The following TRPC6 variants were observed in gnomAD, a reference collection of about 807,000 sequenced individuals.
The protein encoded by TRPC6 is short transient receptor potential channel 6.
In TRPC6, 55 loss-of-function variants were observed where a neutral mutation model predicts 90.7. The observed-to-expected ratio is 0.61, with a 90% CI of 0.49 to 0.76. The LOEUF is 0.76. Ranked by LOEUF, TRPC6 falls within the 30% of genes least tolerant of loss-of-function variation. The probability of loss-of-function intolerance (pLI) is 0.00; values close to 1 mark genes in which losing one functional copy is unlikely to be tolerated. For synonymous variants in TRPC6, 393 were observed against 393.0 expected (o/e 1.00, Z 0.00); for missense variants, 989 against 1,122.7 (o/e 0.88, Z 1.70).
At chr11:101,539,171 C>A (rs11224827) in intron 1 of TRPC6, among the ~76,000 whole-genome samples, 1 of 152,140 alleles carries the variant, frequency 6.6e-6, no homozygotes. Context: ...TTATCACGCT[C>A]AATTTTGACT....
chr11:101,455,321 A>G (rs1858858986), intron 10 of TRPC6: 2 of 490,820 alleles, frequency 4.1e-6, no homozygotes, highest in Non-Finnish European at 7.4e-6. Flanking sequence ...TTGTCTGAGG[A>G]GTCTCTTAGA....
chr11:101,491,470 C>A (rs1409857235), intron 3 of TRPC6, 86 bp downstream of exon 3: 17 of 1,517,484 alleles, frequency 1.1e-5, no homozygotes, highest in Non-Finnish European at 1.4e-5. Flanking sequence ...AAAATCCCAG[C>A]TTAATCTAAC....
intron 1 of TRPC6, among the ~76,000 whole-genome samples, chr11:101,514,334 T>C (rs1462315107): frequency 6.6e-5 from 10 of 152,030 alleles, no homozygotes. Flanking sequence ...AAAAAGGAAG[T>C]AGTGTGGCAT....
chr11:101,548,868 AT>A (rs1861388757), intron 1 of TRPC6, among the ~76,000 whole-genome samples: 1 of 151,992 alleles, frequency 6.6e-6, no homozygotes, highest in African/African-American at 2.4e-5. Context: ...ATATCATATA[AT>A]TTTGCTTTGT....
In TRPC6 at chr11:101,498,016, A is replaced by G. The variant is rs114735113; in HGVS notation, c.945+6008T>C. 2.7e-3 allele frequency among the ~76,000 whole-genome samples: 418 copies of G among 152,346 alleles called. 1 individual carries two copies. Among genetic ancestry groups the G allele is most frequent in the African/African-American group, 9.5e-3 (397 of 41,578 alleles). ...ACATAAGTCCTGGGCACATATTGAGAACTAAAATGAAATTAAGAATGCTGG... is the reference window on the plus strand; with the variant it reads ...ACATAAGTCCTGGGCACATATTGAGGACTAAAATGAAATTAAGAATGCTGG... On this transcript the variant is annotated intron_variant, in intron 2 of 12. Coordinates refer to ENST00000344327, the MANE Select transcript of TRPC6 (RefSeq NM_004621.6).
chr11:101,454,615 C>CTATTATATATAAAATATTATATT (rs1858843174), intron 11 of TRPC6, among the ~76,000 whole-genome samples: 1 of 151,294 alleles, frequency 6.6e-6, no homozygotes, highest in South Asian at 2.1e-4. Context: ...ATTATATATG[C>CTATTATATATAAAATATTATATT]ATTTTATAAT....
intron 3 of TRPC6, among the ~76,000 whole-genome samples, chr11:101,489,404 T>C (rs1157137867): frequency 6.6e-6 from 1 of 152,156 alleles, no homozygotes; most frequent in East Asian, 1.9e-4. Flanking sequence ...TACATACGGC[T>C]TTTATGATTA....
intron 1 of TRPC6, chr11:101,519,937 TC>T (rs1403332021): frequency 6.5e-6 from 1 of 153,240 alleles, no homozygotes; most frequent in East Asian, 2.0e-4. Flanking sequence ...ATCTGCTTGC[TC>T]ATCCTCTATG....
At chr11:101,519,626 G>GT (rs1860606640) in intron 1 of TRPC6, among the ~76,000 whole-genome samples, 1 of 151,878 alleles carries the variant, frequency 6.6e-6, no homozygotes, top group Non-Finnish European at 1.5e-5. Flanking sequence ...AAAAAATCAT[G>GT]GTGGTGTCCT....
intron 1 of TRPC6, among the ~76,000 whole-genome samples, chr11:101,507,946 T>C (rs910878155): frequency 1.2e-4 from 18 of 152,258 alleles, no homozygotes; most frequent in African/African-American, 4.3e-4. Flanking sequence ...TCCTTTAATT[T>C]TCTTATCTTT....
chr11:101,513,746 C>T (rs2039953036), intron 1 of TRPC6, among the ~76,000 whole-genome samples: 1 of 152,108 alleles, frequency 6.6e-6, no homozygotes. Flanking sequence ...AAGATTCATC[C>T]ATAGAAATTC....
At chr11:101,531,200 C>T (rs950754875) in intron 1 of TRPC6, among the ~76,000 whole-genome samples, 2 of 152,162 alleles carry the variant, frequency 1.3e-5, no homozygotes, top group Non-Finnish European at 2.9e-5. Flanking sequence ...ATGTCGTATA[C>T]CTTGAATATA....
At chr11:101,511,394 A>G (rs1247647352) in intron 1 of TRPC6, among the ~76,000 whole-genome samples, 3 of 152,102 alleles carry the variant, frequency 2.0e-5, no homozygotes, top group Admixed American at 1.3e-4. Context: ...AGAGGGACAC[A>G]TTGTAAACTC....
chr11:101,548,325 A>ATAATTATATCT (rs1265168295), intron 1 of TRPC6, among the ~76,000 whole-genome samples: 3 of 121,614 alleles, frequency 2.5e-5, no homozygotes, highest in Admixed American at 1.8e-4. Flanking sequence ...ATATAATTAT[A>ATAATTATATCT]TATAATTGAA....
intron 5 of TRPC6, among the ~76,000 whole-genome samples, chr11:101,478,261 T>C (rs1053092551): frequency 1.3e-5 from 2 of 152,176 alleles, no homozygotes; most frequent in African/African-American, 4.8e-5. Flanking sequence ...CTTCATTACT[T>C]ATTTTGAGTT....
intron 1 of TRPC6, among the ~76,000 whole-genome samples, chr11:101,558,380 T>TGTAGACATGTATATGG (rs1591136150): frequency 1.5e-5 from 1 of 67,508 alleles, no homozygotes; most frequent in East Asian, 2.8e-4. Flanking sequence ...CATGTATATA[T>TGTAGACATGTATATGG]GTATACATGT....
intron 9 of TRPC6, among the ~76,000 whole-genome samples, chr11:101,470,008 G>A (rs1431845674): frequency 5.9e-5 from 9 of 152,296 alleles, no homozygotes; most frequent in South Asian, 4.1e-4. Context: ...ATGGGAAACA[G>A]TGCAGGAATT....
intron 1 of TRPC6, among the ~76,000 whole-genome samples, chr11:101,541,945 G>A (rs1452166054): frequency 1.3e-5 from 2 of 152,178 alleles, no homozygotes; most frequent in Admixed American, 1.3e-4. Context: ...ATGTCTAGAA[G>A]TTTGGAATAT....
chr11:101,510,053 A>C (rs1397259785), intron 1 of TRPC6, among the ~76,000 whole-genome samples: 1 of 152,166 alleles, frequency 6.6e-6, no homozygotes, highest in African/African-American at 2.4e-5. Context: ...AGTAAGACAC[A>C]GTAAAAGCTG....
Sources: gnomAD v4.1 joint callset for allele counts (sites outside exome capture counted in the v4.1 genomes callset) on GRCh38, gnomAD v4.1.1 for gene constraint, MANE v1.5 for transcripts, NCBI Gene and HGNC (gene_info 2026-07-23, HGNC 2026-07-21) for gene names.